RYR3: variants seen among roughly 807,000 people sequenced by gnomAD.
The protein encoded by RYR3 is ryanodine receptor 3.
Under a neutral mutation model 584.3 loss-of-function variants are expected in RYR3, and 207 were observed. The ratio of observed to expected loss-of-function variants is 0.35; its 90% confidence interval spans 0.32 to 0.40. The LOEUF is 0.40. RYR3 is among the 10% of genes least tolerant of loss of function. RYR3 has a pLI of 1.00. For synonymous variants in RYR3, 2,416 were observed against 2,248.5 expected (o/e 1.07, Z -2.11); for missense variants, 5,616 against 6,089.2 (o/e 0.92, Z 2.59).
intron 20 of RYR3, among the ~76,000 whole-genome samples, chr15:33,627,961 T>C (rs1378066573): frequency 6.6e-6 from 1 of 152,102 alleles, no homozygotes; most frequent in Non-Finnish European, 1.5e-5. Context: ...ACTTCCAGGC[T>C]TAAAGAGGTA....
chr15:33,571,860 A>AT (rs1362121072), intron 12 of RYR3, among the ~76,000 whole-genome samples: 1 of 151,906 alleles, frequency 6.6e-6, no homozygotes. Context: ...TTCTTTTGTT[A>AT]TTTTTTGGTC....
intron 1 of RYR3, among the ~76,000 whole-genome samples, chr15:33,466,066 G>T (rs2048464218): frequency 6.6e-6 from 1 of 152,316 alleles, no homozygotes; most frequent in African/African-American, 2.4e-5. Context: ...TTGAGATGTT[G>T]AGTAGCATTT....
At position 33,652,755 on chromosome 15, in the gene RYR3, G is replaced by T. The variant is rs952944089; in HGVS notation, c.4180G>T (p.Asp1394Tyr). 2 of 1,613,612 alleles carry T rather than the reference G, an allele frequency of 1.2e-6. No homozygotes were observed. Among genetic ancestry groups the T allele is most frequent in the African/African-American group, 2.7e-5 (2 of 74,896 alleles). Residue 1394 changes from aspartate (D) to tyrosine (Y), a missense_variant, in exon 32 of 104, where the codon GAC becomes TAC. Around this residue, in one of 9 missense-constraint regions of RYR3, gnomAD observed 753 missense variants for 741.0 expected, o/e 1.02. Transcript: ENST00000634891. ...RSNCYMVWGG[D>Y]IVASSQRSNR... ...CAACTGCTACATGGTCTGGGGTGGA[G>T]ACATTGTAGCCAGTTCCCAGAGATC...
intron 1 of RYR3, among the ~76,000 whole-genome samples, chr15:33,422,489 A>G (rs1437305636): frequency 5.9e-5 from 9 of 152,210 alleles, no homozygotes; most frequent in Non-Finnish European, 8.8e-5. Context: ...TGTGATTGCC[A>G]TTGCAGAGGG....
Position 33,551,435 on chromosome 15 carries a change from A to G in RYR3, c.972+1119A>G, listed in dbSNP as rs570987048. ...GTGGGGCATCTCTGCTTCCTAATGC[A>G]CCTGAAGAAGATAGTCAGCACTGTC... On this transcript the variant is annotated intron_variant, in intron 10 of 103. Transcript: ENST00000634891. Among the ~76,000 whole-genome samples the G allele has an allele frequency of 7.2e-5, 11 of 152,242 alleles. No individual in the cohort carries two copies. In the South Asian group the frequency reaches 1.2e-3, roughly 17 times the overall value.
At chr15:33,863,525 C>G (rs530008645) in intron 102 of RYR3, among the ~76,000 whole-genome samples, 1 of 152,170 alleles carries the variant, frequency 6.6e-6, no homozygotes, top group African/African-American at 2.4e-5. Context: ...TCTCTGAGAT[C>G]ATATAATGTG....
At chr15:33,410,821 G>A (rs2043353232) in intron 1 of RYR3, among the ~76,000 whole-genome samples, 1 of 152,144 alleles carries the variant, frequency 6.6e-6, no homozygotes, top group South Asian at 2.1e-4. Flanking sequence ...AAGGAAAGAG[G>A]TTCAATGGAC....
intron 1 of RYR3, among the ~76,000 whole-genome samples, chr15:33,336,554 G>A (rs56222747): frequency 0.01 from 675 of 66,258 alleles, 23 homozygotes; most frequent in Middle Eastern, 0.031. Flanking sequence ...AGGAGGGAAG[G>A]AAGGAAGAAA....
intron 19 of RYR3, among the ~76,000 whole-genome samples, chr15:33,620,479 G>T (rs1422934766): frequency 2.6e-5 from 4 of 152,100 alleles, no homozygotes; most frequent in Non-Finnish European, 5.9e-5. Flanking sequence ...TTCACTTTAG[G>T]ATGTGAAAAT....
At chr15:33,420,265 G>A (rs925510146) in intron 1 of RYR3, among the ~76,000 whole-genome samples, 1 of 152,036 alleles carries the variant, frequency 6.6e-6, no homozygotes, top group South Asian at 2.1e-4. Flanking sequence ...AATATAATTG[G>A]GTTCCTCCTT....
chr15:33,584,364 C>T (rs2058738772), intron 14 of RYR3, 31 bp from the exon 15 acceptor site: 3 of 1,269,572 alleles, frequency 2.4e-6, no homozygotes, highest in Non-Finnish European at 3.4e-6. Context: ...TATCCTTTAA[C>T]CTCTATGATC....
intron 12 of RYR3, among the ~76,000 whole-genome samples, chr15:33,572,845 A>G (rs1229817949): frequency 6.6e-6 from 1 of 152,054 alleles, no homozygotes; most frequent in Non-Finnish European, 1.5e-5. Context: ...ATAGTGGCGC[A>G]TGCCTGTAAT....
chr15:33,660,064 T>C, intron 33 of RYR3, 133 bp from the exon 34 acceptor site: 1 of 664,786 alleles, frequency 1.5e-6, no homozygotes, highest in Non-Finnish European at 2.6e-6. Context: ...TAATTAATGC[T>C]GGTAAAGCCC....
At chr15:33,832,251 GCCGCC>G (rs932301692) in intron 86 of RYR3, among the ~76,000 whole-genome samples, 3 of 99,084 alleles carry the variant, frequency 3.0e-5, no homozygotes, top group Non-Finnish European at 5.0e-5. Context: ...CTGAGATCGC[GCCGCC>G]GCACTCCAAC....
intron 3 of RYR3, among the ~76,000 whole-genome samples, chr15:33,515,744 T>C (rs2053458366): frequency 6.6e-6 from 1 of 152,208 alleles, no homozygotes; most frequent in African/African-American, 2.4e-5. Flanking sequence ...TTGCCTTAGG[T>C]TTTTGGCTTG....
At chr15:33,610,448 C>T (rs2060124307) in intron 18 of RYR3, among the ~76,000 whole-genome samples, 1 of 152,138 alleles carries the variant, frequency 6.6e-6, no homozygotes, top group Non-Finnish European at 1.5e-5. Context: ...GTTGGGTCTT[C>T]TGTCTTTGAT....
chr15:33,611,339 G>A (rs569921943), intron 18 of RYR3, among the ~76,000 whole-genome samples: 2 of 152,134 alleles, frequency 1.3e-5, no homozygotes, highest in African/African-American at 4.8e-5. Flanking sequence ...GGCAGATCAC[G>A]AGGTCAGGAG....
chr15:33,532,720 G>A (rs2054988504), intron 4 of RYR3, among the ~76,000 whole-genome samples: 1 of 152,004 alleles, frequency 6.6e-6, no homozygotes, highest in Non-Finnish European at 1.5e-5. Flanking sequence ...CATCTTTAAG[G>A]CATCTTTAAT....
At chr15:33,515,262 C>T (rs2053410440) in intron 3 of RYR3, among the ~76,000 whole-genome samples, 1 of 152,140 alleles carries the variant, frequency 6.6e-6, no homozygotes, top group Non-Finnish European at 1.5e-5. Context: ...CCATCGAAGC[C>T]ACAATTAATT....
Sources: allele counts gnomAD v4.1 joint callset (sites outside exome capture counted in the v4.1 genomes callset), GRCh38; gene constraint gnomAD v4.1.1; regional missense constraint gnomAD v4.1.1; transcripts MANE v1.5; gene names NCBI Gene and HGNC (gene_info 2026-07-23, HGNC 2026-07-21).